Variants in CADPS observed in about 807,000 individuals in gnomAD.
CADPS encodes the protein calcium-dependent secretion activator 1.
In CADPS, 57 loss-of-function variants were observed where a neutral mutation model predicts 167.3. The ratio of observed to expected loss-of-function variants is 0.34; its 90% CI spans 0.28 to 0.42. The LOEUF is 0.42. Among genes scored for constraint, CADPS ranks in the 20% least tolerant of loss-of-function variants. CADPS has a pLI of 1.00. For missense variants in CADPS, 1,414 were observed against 1,738.1 expected, an observed-to-expected ratio of 0.81 and a Z score of 3.32; for synonymous variants, 676 against 635.3, an observed-to-expected ratio of 1.06 and a Z score of -0.96.
chr3:62,453,620 G>A (rs2058342312), intron 26 of CADPS, among the ~76,000 whole-genome samples: 1 of 152,200 alleles, frequency 6.6e-6, no homozygotes, highest in South Asian at 2.1e-4. Flanking sequence ...ATGTGTGAGT[G>A]GGCGGATGTA....
At chr3:62,835,168 CT>C (rs988546958) in intron 1 of CADPS, among the ~76,000 whole-genome samples, 1 of 152,044 alleles carries the variant, frequency 6.6e-6, no homozygotes, top group Admixed American at 6.6e-5. Context: ...AATTAGATCA[CT>C]TTTTTTAGTT....
intron 2 of CADPS, among the ~76,000 whole-genome samples, chr3:62,761,054 G>C (rs1050262988): frequency 6.6e-6 from 1 of 152,196 alleles, no homozygotes; most frequent in South Asian, 2.1e-4. Context: ...CATGAGAATG[G>C]ACTGGGCTAG....
At position 62,474,153 on chromosome 3, in the gene CADPS, A is replaced by ATTTTTTTTTTTCTTT; in HGVS notation, c.3477+19_3477+20insAAAGAAAAAAAAAAA. The ATTTTTTTTTTTCTTT allele has an allele frequency of 1.4e-6, 1 of 735,996 alleles. No homozygotes were observed. 45.6% of individuals were successfully genotyped at this position (735,996 alleles called of 1,614,324 possible). ...AATGAAGAGGGAAAAAAAAATCTGT[A>ATTTTTTTTTTTCTTT]TTTTTTTTTTTTTTTTTACCTCTTG... is the stretch of plus-strand genomic sequence containing the variant. On this transcript the variant is annotated intron_variant, in intron 24 of 29. Transcript: ENST00000383710.
chr3:62,725,191 A>C (rs981931480), intron 3 of CADPS, among the ~76,000 whole-genome samples: 7 of 152,214 alleles, frequency 4.6e-5, no homozygotes, highest in African/African-American at 1.7e-4. Context: ...ACTGTCTCGA[A>C]TGATGGGAAT....
At position 62,752,002 on chromosome 3, in the gene CADPS, T is replaced by G. The variant is rs192303360; in HGVS notation, c.888+1439A>C. 1.8e-3 allele frequency among the ~76,000 whole-genome samples: 279 copies of G among 152,254 alleles called. 3 individuals carry two copies. Among genetic ancestry groups the G allele is most frequent in the Admixed American group, 0.014 (217 of 15,300 alleles). ...AGAAAATATGCATAAGCTGTTGCAA[T>G]AAGAAGAAAAATTAATCCCTAGAAT... On this transcript the variant is annotated intron_variant, in intron 3 of 29. Coordinates refer to ENST00000383710, the MANE Select transcript of CADPS (RefSeq NM_003716.4).
At chr3:62,855,245 TA>T (rs1438529781) in intron 1 of CADPS, among the ~76,000 whole-genome samples, 1 of 151,950 alleles carries the variant, frequency 6.6e-6, no homozygotes, top group East Asian at 1.9e-4. Flanking sequence ...GTGCTTGGCC[TA>T]AAATGGATTA....
intron 6 of CADPS, among the ~76,000 whole-genome samples, chr3:62,644,626 C>T (rs1427208544): frequency 2.0e-5 from 3 of 152,206 alleles, no homozygotes; most frequent in Non-Finnish European, 2.9e-5. Flanking sequence ...CCCTTATTCT[C>T]CAAACTCCAG....
At chr3:62,676,439 C>T (rs960838126) in intron 3 of CADPS, among the ~76,000 whole-genome samples, 5 of 152,044 alleles carry the variant, frequency 3.3e-5, no homozygotes, top group African/African-American at 1.2e-4. Flanking sequence ...TATCATTCAA[C>T]CTGTAATGGT....
chr3:62,488,797 G>C (rs2063239081), intron 21 of CADPS, among the ~76,000 whole-genome samples: 1 of 151,918 alleles, frequency 6.6e-6, no homozygotes, highest in Non-Finnish European at 1.5e-5. Context: ...GCCCTTAGTT[G>C]GCACTTTTAA....
At chr3:62,578,619 A>AT (rs1045396525) in intron 8 of CADPS, among the ~76,000 whole-genome samples, 1 of 105,708 alleles carries the variant, frequency 9.5e-6, no homozygotes, top group Non-Finnish European at 2.4e-5. Context: ...CAAAAAAATA[A>AT]AAAAAAAAAA....
In CADPS at chr3:62,629,768, G is replaced by GTTTTT. The variant is rs56393514; in HGVS notation, c.1325+15953_1325+15954insAAAAA. Among the ~76,000 whole-genome samples, 3 of 148,266 alleles carry GTTTTT rather than the reference G, an allele frequency of 2.0e-5. 1 individual carries two copies. In the South Asian group the frequency reaches 6.4e-4, roughly 32 times the overall value. Reference sequence around the variant, plus strand: ...CAGACTCTGGTACAGTTTTTTTTTTGTTTGTTTGTTTGTTTTTTTCCTGTC... The same window carrying GTTTTT: ...CAGACTCTGGTACAGTTTTTTTTTTGTTTTTTTTGTTTGTTTGTTTTTTTCCTGTC... On this transcript the variant is annotated intron_variant, in intron 6 of 29. Transcript: ENST00000383710.
At chr3:62,495,174 A>G (rs1409065013) in intron 18 of CADPS, among the ~76,000 whole-genome samples, 1 of 152,192 alleles carries the variant, frequency 6.6e-6, no homozygotes, top group Non-Finnish European at 1.5e-5. Context: ...AGTCTGGTAG[A>G]ACAGTTTAGG....
At chr3:62,827,627 T>C (rs537525489) in intron 1 of CADPS, among the ~76,000 whole-genome samples, 1 of 152,274 alleles carries the variant, frequency 6.6e-6, no homozygotes, top group East Asian at 1.9e-4. Context: ...CTATGAATAA[T>C]CAGGAAACTG....
chr3:62,795,049 C>T (rs1271755852), intron 1 of CADPS, among the ~76,000 whole-genome samples: 2 of 152,094 alleles, frequency 1.3e-5, no homozygotes, highest in Non-Finnish European at 2.9e-5. Flanking sequence ...CTCATGTTTA[C>T]TGACATCTTC....
intron 8 of CADPS, among the ~76,000 whole-genome samples, chr3:62,583,459 C>G (rs574390634): frequency 2.8e-4 from 42 of 152,222 alleles, no homozygotes; most frequent in Middle Eastern, 3.4e-3. Context: ...TCACGGCATT[C>G]TAATTTAATC....
intron 19 of CADPS, among the ~76,000 whole-genome samples, chr3:62,493,387 C>T (rs1466919947): frequency 1.3e-5 from 2 of 152,158 alleles, no homozygotes; most frequent in Admixed American, 6.5e-5. Context: ...TTGCCAGCCT[C>T]TTCTGGTCCC....
chr3:62,497,595 A>G (rs1399106142), intron 18 of CADPS, among the ~76,000 whole-genome samples: 3 of 152,220 alleles, frequency 2.0e-5, no homozygotes, highest in African/African-American at 4.8e-5. Context: ...GCTTTTCCCT[A>G]TCACTCATGG....
intron 1 of CADPS, among the ~76,000 whole-genome samples, chr3:62,783,192 G>T (rs1407381505): frequency 6.6e-6 from 1 of 152,098 alleles, no homozygotes; most frequent in African/African-American, 2.4e-5. Context: ...CTGAGACCTG[G>T]GCAAGCAATG....
chr3:62,817,709 G>C (rs911642901), intron 1 of CADPS, among the ~76,000 whole-genome samples: 5 of 152,142 alleles, frequency 3.3e-5, no homozygotes, highest in African/African-American at 1.2e-4. Context: ...GTGTAAATCA[G>C]TATGAAAATT....
Sources: allele counts gnomAD v4.1 joint callset (sites outside exome capture counted in the v4.1 genomes callset), GRCh38; gene constraint gnomAD v4.1.1; transcripts MANE v1.5; gene names NCBI Gene and HGNC (gene_info 2026-07-23, HGNC 2026-07-21).